Variants in HLA-DPA1 observed in about 807,000 individuals in gnomAD.
HLA-DPA1 encodes the protein major histocompatibility complex, class II, DP alpha 1.
Under a neutral mutation model 21.5 loss-of-function variants are expected in HLA-DPA1, and 20 were observed. That is an observed-to-expected ratio of 0.93 (90% CI 0.66 to 1.35). The LOEUF (loss-of-function observed/expected upper bound fraction) is 1.35. Ranked by LOEUF, HLA-DPA1 falls within the 40% of genes most tolerant of loss-of-function variation. HLA-DPA1 has a pLI of 0.00. For synonymous variants in HLA-DPA1, 123 were observed against 129.6 expected, an observed-to-expected ratio of 0.95 and a Z score of 0.35; for missense variants, 279 against 323.0, an observed-to-expected ratio of 0.86 and a Z score of 1.05.
chr6:33,078,289 GA>G (rs1379914067), intron 1 of HLA-DPA1, among the ~76,000 whole-genome samples: 1 of 152,158 alleles, frequency 6.6e-6, no homozygotes, highest in Non-Finnish European at 1.5e-5. Context: ...TGCGTAGAAT[GA>G]ATGTTCAATC....
chr6:33,068,040 T>TG (rs1762047225), intron 5 of HLA-DPA1: 1 of 152,202 alleles, frequency 6.6e-6, no homozygotes, highest in African/African-American at 2.4e-5. Context: ...ATATAAAGCA[T>TG]GGTGAGTGTT....
intron 5 of HLA-DPA1, chr6:33,065,871 C>T (rs1761931081): frequency 7.0e-6 from 1 of 142,086 alleles, no homozygotes. Context: ...AGCATATTCT[C>T]CTAATTCTTC....
chr6:33,067,145 G>A (rs935270598), intron 5 of HLA-DPA1: 4 of 152,196 alleles, frequency 2.6e-5, no homozygotes, highest in African/African-American at 9.7e-5. Context: ...CAATAGTAGA[G>A]AACCAGGAAT....
intron 1 of HLA-DPA1, chr6:33,079,730 A>T (rs151327433): frequency 2.2e-4 from 111 of 511,034 alleles, no homozygotes; most frequent in African/African-American, 5.7e-4. Context: ...GATGTGCAAC[A>T]AATCTTACTG....
chr6:33,069,688 T>C, exon 3 of HLA-DPA1: 1 of 1,612,670 alleles, frequency 6.2e-7, no homozygotes, highest in Non-Finnish European at 8.5e-7. Flanking sequence ...GGTATTCAAG[T>C]TGTTGTTCAA....
Position 33,072,629 on chromosome 6 carries a change from A to G in HLA-DPA1, c.100+842T>C, listed in dbSNP as rs140255897. ...ACACATCTTAAATAAAACTGTCTGA[A>G]GCCAGTGTGCATCTTGTACGTTATG... On this transcript the variant is annotated intron_variant, in intron 2 of 5. Coordinates refer to ENST00000419277, the Ensembl canonical transcript of HLA-DPA1. 3.5e-3 allele frequency among the ~76,000 whole-genome samples: 540 copies of G among 152,308 alleles called. 3 individuals are homozygous for G. The highest frequency in any genetic ancestry group is 0.026 in the East Asian group (133 of 5,192).
Position 33,069,285 on chromosome 6 carries a change from GTCACC to G in HLA-DPA1, c.357_361del (p.Glu119AspfsTer21). ...CTCCACAGGCTCCTTGGGAAACACG[GTCACC>G]TCAGGGGGATCTGGAAGGAGACAGC... On this transcript the variant is annotated frameshift_variant, in exon 4 of 6. Coordinates refer to ENST00000419277, the Ensembl canonical transcript of HLA-DPA1. LOFTEE classifies it high-confidence loss of function. 6.2e-7 allele frequency: 1 copy of G among 1,612,830 alleles called. No individual in the cohort carries two copies. The highest frequency in any genetic ancestry group is 8.5e-7 in the Non-Finnish European group (1 of 1,179,890).
At chr6:33,076,973 G>A (rs1027732706) in intron 1 of HLA-DPA1, among the ~76,000 whole-genome samples, 7 of 151,854 alleles carry the variant, frequency 4.6e-5, no homozygotes, top group African/African-American at 1.5e-4. Flanking sequence ...ACAACGTGCA[G>A]GTTTGTTACA....
intron 2 of HLA-DPA1, among the ~76,000 whole-genome samples, chr6:33,071,529 T>C (rs1762281601): frequency 6.6e-6 from 1 of 152,248 alleles, no homozygotes; most frequent in African/African-American, 2.4e-5. Flanking sequence ...CTTCAAAATA[T>C]CATTTCCATT....
intron 1 of HLA-DPA1, among the ~76,000 whole-genome samples, chr6:33,076,481 G>A (rs9469347): frequency 0.2 from 29,889 of 152,096 alleles, 3,585 homozygotes; most frequent in African/African-American, 0.33. Flanking sequence ...GCGTGTTCAT[G>A]TCTGCATCCA....
intron 1 of HLA-DPA1, chr6:33,079,405 C>G (rs1362598225): frequency 5.1e-6 from 1 of 194,574 alleles, no homozygotes; most frequent in Non-Finnish European, 1.1e-5. Flanking sequence ...ATGCTGTCTT[C>G]CTCGGTGCTG....
At chr6:33,079,857 G>T in intron 1 of HLA-DPA1, 1 of 335,610 alleles carries the variant, frequency 3.0e-6, no homozygotes, top group South Asian at 2.5e-5. Flanking sequence ...AAGAAAATGA[G>T]TAGAAAGTTC....
intron 3 of HLA-DPA1, 143 bp downstream of exon 2, chr6:33,069,498 C>T: frequency 8.7e-7 from 1 of 1,150,958 alleles, no homozygotes; most frequent in Non-Finnish European, 1.3e-6. Context: ...CAAGCCCTTG[C>T]TGTAGTGGGA....
chr6:33,079,621 C>A, intron 1 of HLA-DPA1: 2 of 459,878 alleles, frequency 4.3e-6, no homozygotes, highest in Admixed American at 2.4e-5. Context: ...TGATGCCCAA[C>A]ATTGCTTATG....
intron 5 of HLA-DPA1, chr6:33,065,989 T>C (rs1761936805): frequency 6.6e-6 from 1 of 152,212 alleles, no homozygotes; most frequent in South Asian, 2.1e-4. Flanking sequence ...TAAAATATGA[T>C]TTATTACTGA....
intron 5 of HLA-DPA1, chr6:33,067,495 A>G (rs73400034): frequency 0.29 from 44,006 of 152,066 alleles, 8,416 homozygotes; most frequent in East Asian, 0.69. Flanking sequence ...AGCAGATGCT[A>G]GTGCCATGTT....
exon 4 of HLA-DPA1, chr6:33,069,061 C>A (rs763690407): frequency 1.2e-4 from 189 of 1,612,734 alleles, no homozygotes; most frequent in Non-Finnish European, 1.6e-4. Context: ...CAGTGCTCCA[C>A]CCTGCAGTCA....
intron 1 of HLA-DPA1, among the ~76,000 whole-genome samples, chr6:33,075,103 A>G (rs987870): frequency 0.19 from 29,362 of 152,136 alleles, 3,456 homozygotes; most frequent in African/African-American, 0.32. Flanking sequence ...TCTAAACAAA[A>G]TAGAATCAGA....
intron 5 of HLA-DPA1, chr6:33,067,710 T>C (rs1389568685): frequency 1.3e-5 from 2 of 152,180 alleles, no homozygotes; most frequent in East Asian, 1.9e-4. Flanking sequence ...TAAAAATACA[T>C]GTACACTGGA....
Sources: allele counts gnomAD v4.1 joint callset (sites outside exome capture counted in the v4.1 genomes callset), GRCh38; gene constraint gnomAD v4.1.1; transcripts MANE v1.5; gene names NCBI Gene and HGNC (gene_info 2026-07-23, HGNC 2026-07-21).